DSCAM: variants seen among roughly 807,000 people sequenced by gnomAD.
DSCAM encodes cell adhesion molecule DSCAM.
Under a neutral mutation model 217.7 loss-of-function variants are expected in DSCAM, and 47 were observed. The observed-to-expected ratio is 0.22, with a 90% confidence interval of 0.17 to 0.28. DSCAM has a LOEUF of 0.28. Ranked by LOEUF, DSCAM falls within the 10% of genes least tolerant of loss-of-function variation. The pLI, the probability that DSCAM is intolerant of heterozygous loss-of-function variation, is 1.00. For missense variants in DSCAM, 2,080 were observed against 2,618.3 expected, an observed-to-expected ratio of 0.79 and a Z score of 4.49; for synonymous variants, 1,056 against 1,015.3, an observed-to-expected ratio of 1.04 and a Z score of -0.76.
intron 3 of DSCAM, among the ~76,000 whole-genome samples, chr21:40,397,899 T>C (rs368616838): frequency 4.6e-5 from 7 of 152,206 alleles, no homozygotes; most frequent in East Asian, 3.9e-4. Flanking sequence ...CTACTTTTAC[T>C]ATTATTGCTA....
At chr21:40,608,994 A>AC (rs1485380919) in intron 3 of DSCAM, among the ~76,000 whole-genome samples, 1 of 152,130 alleles carries the variant, frequency 6.6e-6, no homozygotes, top group Admixed American at 6.6e-5. Context: ...TCACTCTGTC[A>AC]CCCAGGCTGG....
At chr21:40,341,914 T>C (rs2074496242) in intron 6 of DSCAM, among the ~76,000 whole-genome samples, 1 of 152,228 alleles carries the variant, frequency 6.6e-6, no homozygotes, top group Admixed American at 6.5e-5. Flanking sequence ...TGGAACATTC[T>C]TCAGCCTCTT....
At chr21:40,261,608 A>C (rs2073451136) in intron 11 of DSCAM, among the ~76,000 whole-genome samples, 1 of 150,984 alleles carries the variant, frequency 6.6e-6, no homozygotes, top group Non-Finnish European at 1.5e-5. Context: ...ATCCATAATC[A>C]TGTGGGCCAA....
intron 20 of DSCAM, among the ~76,000 whole-genome samples, chr21:40,101,882 T>C (rs1294771906): frequency 1.3e-5 from 2 of 152,046 alleles, no homozygotes; most frequent in African/African-American, 2.4e-5. Context: ...GAGCCAGACA[T>C]AGAAGCTTGT....
At chr21:40,762,265 A>T (rs1416053545) in intron 1 of DSCAM, among the ~76,000 whole-genome samples, 1 of 152,146 alleles carries the variant, frequency 6.6e-6, no homozygotes, top group Non-Finnish European at 1.5e-5. Flanking sequence ...ACAATAAAAA[A>T]ATGATAAAGG....
chr21:40,708,536 G>A lies in DSCAM; in HGVS notation c.279C>T (p.Thr93=), dbSNP rs780058531. 1 of 1,584,744 alleles carries A rather than the reference G, an allele frequency of 6.3e-7. No individual in the cohort carries two copies. The highest frequency in any genetic ancestry group is 1.3e-5 in the African/African-American group (1 of 74,352). The change falls in exon 2 of 33, where the codon ACC becomes ACT. Residue 93 remains threonine (T), a synonymous_variant. Transcript: ENST00000400454. ...AATAATAAGTATTATCATGGATTAA[G>A]GTACTGAAGCTTGAAGGAGGGAAGG... is the stretch of plus-strand genomic sequence containing the variant. The part of the protein sequence containing the change: ...IFPFPPSSFS[T]LIHDNTYYCT...
intron 5 of DSCAM, among the ~76,000 whole-genome samples, chr21:40,350,810 T>C (rs2074621458): frequency 6.6e-6 from 1 of 151,134 alleles, no homozygotes; most frequent in Non-Finnish European, 1.5e-5. Flanking sequence ...AGAGAGTCCC[T>C]GAGATTTTGG....
At chr21:40,773,046 C>A (rs1230887990) in intron 1 of DSCAM, among the ~76,000 whole-genome samples, 1 of 152,224 alleles carries the variant, frequency 6.6e-6, no homozygotes, top group Non-Finnish European at 1.5e-5. Flanking sequence ...GCGCTCTGTG[C>A]GCCAGAGCCA....
At chr21:40,472,785 G>A (rs1399930937) in intron 3 of DSCAM, among the ~76,000 whole-genome samples, 1 of 152,142 alleles carries the variant, frequency 6.6e-6, no homozygotes, top group Non-Finnish European at 1.5e-5. Flanking sequence ...TATCTGAGGT[G>A]TGTCACATTC....
At chr21:40,444,932 C>G (rs190890376) in intron 3 of DSCAM, among the ~76,000 whole-genome samples, 2 of 152,314 alleles carry the variant, frequency 1.3e-5, no homozygotes, top group South Asian at 2.1e-4. Flanking sequence ...CACTGACCTA[C>G]GCTTGCCCTA....
chr21:40,323,283 A>G lies in DSCAM; in HGVS notation c.1784-10924T>C, dbSNP rs139773680. On this transcript the variant is annotated intron_variant, in intron 8 of 32. Transcript: ENST00000400454. ...CATCTCAGAGTCAGCTTCCCGAAAA[A>G]CCCAACCACAATGGTTTGTTTCATC... Among the ~76,000 whole-genome samples, 122 of 152,056 alleles carry G rather than the reference A, an allele frequency of 8.0e-4. 1 individual carries two copies. In the East Asian group the frequency reaches 0.016, roughly 20 times the overall value.
intron 3 of DSCAM, among the ~76,000 whole-genome samples, chr21:40,520,579 C>T (rs1046631609): frequency 3.3e-5 from 5 of 151,998 alleles, no homozygotes; most frequent in South Asian, 2.1e-4. Context: ...GAGGCCGAGG[C>T]GGGCAGATCA....
chr21:40,048,757 A>G (rs902425038), intron 30 of DSCAM, among the ~76,000 whole-genome samples: 1 of 152,222 alleles, frequency 6.6e-6, no homozygotes, highest in African/African-American at 2.4e-5. Flanking sequence ...TGTGGTGAGA[A>G]GAACCGGCTC....
intron 2 of DSCAM, among the ~76,000 whole-genome samples, chr21:40,704,701 G>A (rs1029150897): frequency 2.0e-5 from 3 of 152,104 alleles, no homozygotes; most frequent in African/African-American, 4.8e-5. Flanking sequence ...GGACAAGAGA[G>A]GGAGATGTCC....
intron 1 of DSCAM, among the ~76,000 whole-genome samples, chr21:40,806,676 C>T (rs1345823909): frequency 1.3e-5 from 2 of 152,188 alleles, no homozygotes; most frequent in Non-Finnish European, 2.9e-5. Context: ...TTTATTGCGG[C>T]ACTGTTCACA....
intron 1 of DSCAM, among the ~76,000 whole-genome samples, chr21:40,837,782 C>T (rs747411781): frequency 7.2e-5 from 11 of 152,180 alleles, no homozygotes; most frequent in Non-Finnish European, 1.5e-4. Context: ...TCATGGTTCC[C>T]GTTTTGCTGG....
At chr21:40,210,054 C>T (rs970841592) in intron 11 of DSCAM, among the ~76,000 whole-genome samples, 2 of 152,210 alleles carry the variant, frequency 1.3e-5, no homozygotes, top group African/African-American at 4.8e-5. Flanking sequence ...AGACATTCCA[C>T]CCCAGCACTC....
chr21:40,110,763 C>G (rs192811732), intron 20 of DSCAM, among the ~76,000 whole-genome samples: 12 of 147,592 alleles, frequency 8.1e-5, no homozygotes. Context: ...AACTACGTGA[C>G]GAATGCACAA....
At chr21:40,035,840 T>C (rs1309605208) in intron 32 of DSCAM, among the ~76,000 whole-genome samples, 1 of 144,702 alleles carries the variant, frequency 6.9e-6, no homozygotes, top group East Asian at 2.0e-4. Context: ...GCAATCAAAC[T>C]AGAACTCAGG....
Sources: allele counts gnomAD v4.1 joint callset (sites outside exome capture counted in the v4.1 genomes callset), GRCh38; gene constraint gnomAD v4.1.1; transcripts MANE v1.5; gene names NCBI Gene and HGNC (gene_info 2026-07-23, HGNC 2026-07-21).